The following PLEKHH1 variants were observed in gnomAD, a reference collection of about 807,000 sequenced individuals.
PLEKHH1 encodes pleckstrin homology domain-containing family H member 1.
In PLEKHH1, 104 loss-of-function variants were observed where a neutral mutation model predicts 160.0. That is an observed-to-expected ratio of 0.65 (90% CI 0.55 to 0.76). The LOEUF is 0.76. Among genes scored for constraint, PLEKHH1 ranks in the 30% least tolerant of loss-of-function variants. PLEKHH1 has a pLI of 0.00. For synonymous variants in PLEKHH1, 619 were observed against 678.4 expected, an observed-to-expected ratio of 0.91 and a Z score of 1.36; for missense variants, 1,427 against 1,724.1, an observed-to-expected ratio of 0.83 and a Z score of 3.05.
In PLEKHH1 at chr14:67,571,913, G is replaced by T; in HGVS notation, c.1585+11G>T. 4.4e-6 allele frequency: 7 copies of T among 1,599,786 alleles called. No individual in the cohort carries two copies. Among genetic ancestry groups the T allele is most frequent in the Non-Finnish European group, 6.0e-6 (7 of 1,172,762 alleles). ...GGGCCATCAAGAGAGGTACAGAGAA[G>T]GGGAGCAGGGGCAGGGTGCAGCAGC... On this transcript the variant is annotated intron_variant, in intron 10 of 28. Coordinates refer to ENST00000329153, the MANE Select transcript of PLEKHH1 (RefSeq NM_020715.3).
chr14:67,574,459 C>T lies in PLEKHH1; in HGVS notation c.2088+56C>T, dbSNP rs1464852753. 4 of 1,380,244 alleles carry T rather than the reference C, an allele frequency of 2.9e-6. No individual in the cohort carries two copies. Among genetic ancestry groups the T allele is most frequent in the South Asian group, 1.6e-5 (1 of 62,530 alleles). The allele number at this position is 1,380,244 out of a possible 1,614,324, so 85.5% of individuals were successfully genotyped here. On this transcript the variant is annotated intron_variant, in intron 14 of 28. Coordinates refer to ENST00000329153, the MANE Select transcript of PLEKHH1 (RefSeq NM_020715.3). This position sits in a 1 kb window ranked among gnomAD's most constrained non-coding sequence, Gnocchi z 4.2. ...TGTGCCTCCTGCGAATCAGGGGAGC[C>T]AGGATTGGGGTGCCGAGGGTGGTGG... is the stretch of plus-strand genomic sequence containing the variant.
At chr14:67,534,903 G>T (rs1238816315) in intron 1 of PLEKHH1, among the ~76,000 whole-genome samples, 1 of 152,188 alleles carries the variant, frequency 6.6e-6, no homozygotes, top group African/African-American at 2.4e-5. Flanking sequence ...ATGAAATGGT[G>T]TACATCATTG....
At chr14:67,585,768 C>A in intron 27 of PLEKHH1, 114 bp downstream of exon 27, 2 of 996,188 alleles carry the variant, frequency 2.0e-6, no homozygotes, top group Non-Finnish European at 3.0e-6. Flanking sequence ...CCTACCCCCA[C>A]TCCTGCCCAA....
At chr14:67,568,867 T>C (rs2140451265) in intron 7 of PLEKHH1, among the ~76,000 whole-genome samples, 1 of 152,304 alleles carries the variant, frequency 6.6e-6, no homozygotes. Flanking sequence ...GAGGGAACTG[T>C]TGGGCACTGA....
chr14:67,569,016 G>C, intron 7 of PLEKHH1, 122 bp from the exon 8 acceptor site: 1 of 619,176 alleles, frequency 1.6e-6, no homozygotes, highest in Non-Finnish European at 2.8e-6. Context: ...AGATTTGTTA[G>C]CCAGTCACTG....
At chr14:67,568,645 T>A (rs539564961) in intron 7 of PLEKHH1, among the ~76,000 whole-genome samples, 105 of 152,210 alleles carry the variant, frequency 6.9e-4, no homozygotes, top group African/African-American at 2.4e-3. Flanking sequence ...GAGAATTTTT[T>A]AAAAATGTGC....
intron 2 of PLEKHH1, among the ~76,000 whole-genome samples, chr14:67,550,603 G>C (rs1302995173): frequency 6.6e-6 from 1 of 152,198 alleles, no homozygotes; most frequent in Non-Finnish European, 1.5e-5. Flanking sequence ...GAGAGTGAGA[G>C]GTTCTAGGAA....
intron 18 of PLEKHH1, 27 bp from the exon 19 acceptor site, chr14:67,577,996 C>A (rs757398491): frequency 6.2e-7 from 1 of 1,603,968 alleles, no homozygotes; most frequent in Non-Finnish European, 8.5e-7. Flanking sequence ...TGCTGGTCTG[C>A]CTGTGCTCAC....
chr14:67,562,751 C>A lies in PLEKHH1; in HGVS notation c.1120C>A (p.Pro374Thr), dbSNP rs755141584. 6.2e-7 allele frequency: 1 copy of A among 1,613,786 alleles called. No individual in the cohort carries two copies. Residue 374 changes from proline (P) to threonine (T), a missense_variant, in exon 7 of 29, where the codon CCA (proline) becomes ACA (threonine). By Grantham distance (38) the Pro-to-Thr change is conservative (BLOSUM62 -1). Around this residue, in one of 6 missense-constraint regions of PLEKHH1, gnomAD observed 831 missense variants for 929.2 expected, o/e 0.89. Coordinates refer to ENST00000329153, the MANE Select transcript of PLEKHH1 (RefSeq NM_020715.3). ...LESRARSREE[P>T]EKMEMEEPPP... ...GTCCCGAGCTAGGTCCCGGGAGGAA[C>A]CAGAGAAGATGGAGATGGAGGAGCC...
chr14:67,578,794 T>A lies in PLEKHH1; in HGVS notation c.2849+163T>A, dbSNP rs2035750288. Among the ~76,000 whole-genome samples, 2 of 152,208 alleles carry A rather than the reference T, an allele frequency of 1.3e-5. No individual in the cohort carries two copies. Among genetic ancestry groups the A allele is most frequent in the Non-Finnish European group, 2.9e-5 (2 of 68,040 alleles). ...ATTGCCGTGTGCACAAATGGGCACG[T>A]GTGGATCTGGGCATGCTTAAGCTTC... On this transcript the variant is annotated intron_variant, in intron 20 of 28. Transcript: ENST00000329153. The surrounding 1 kb of genome is among the most constrained non-coding windows in gnomAD (Gnocchi z 5.0).
Position 67,589,599 on chromosome 14 carries a change from G to T in PLEKHH1, c.*2364G>T. On this transcript the variant is annotated 3_prime_UTR_variant, in exon 29 of 29. Transcript: ENST00000329153. ...TAAATAAGCCCTGTACAGAACACAG[G>T]CACTAGGTTGACAGACTCGTCTTTT... The T allele has an allele frequency of 1.0e-6, 1 of 986,058 alleles. No individual in the cohort carries two copies. Among genetic ancestry groups the T allele is most frequent in the African/African-American group, 1.7e-5 (1 of 57,358 alleles). 61.1% of individuals were successfully genotyped at this position (986,058 alleles called of 1,614,324 possible).
At position 67,588,488 on chromosome 14, in the gene PLEKHH1, A is replaced by G. The variant is rs115522732; in HGVS notation, c.*1253A>G. ...TGCCCTAGCCTAAGAGTAGCAGGTA[A>G]AAAAAAGTTTCTTTCATCTTTTGCC... On this transcript the variant is annotated 3_prime_UTR_variant, in exon 29 of 29. Coordinates refer to ENST00000329153, the MANE Select transcript of PLEKHH1 (RefSeq NM_020715.3). 137 of 152,246 alleles carry G rather than the reference A, an allele frequency of 9.0e-4. No individual in the cohort carries two copies. The highest frequency in any genetic ancestry group is 2.8e-3 in the African/African-American group (117 of 41,518). The allele number at this position is 152,246 out of a possible 1,614,324, so 9.4% of individuals were successfully genotyped here.
At chr14:67,542,488 C>T (rs942132623) in intron 2 of PLEKHH1, among the ~76,000 whole-genome samples, 1 of 152,150 alleles carries the variant, frequency 6.6e-6, no homozygotes, top group Non-Finnish European at 1.5e-5. Context: ...AGTCCCTTCA[C>T]CTCTAAGGCA....
intron 7 of PLEKHH1, among the ~76,000 whole-genome samples, chr14:67,568,441 T>A (rs2035211730): frequency 6.6e-6 from 1 of 151,950 alleles, no homozygotes; most frequent in South Asian, 2.1e-4. Context: ...GTGGGGCCTG[T>A]CAGTGGATGG....
At position 67,584,016 on chromosome 14, in the gene PLEKHH1, C is replaced by T; in HGVS notation, c.3591C>T (p.Thr1197=). 6.2e-7 allele frequency: 1 copy of T among 1,614,006 alleles called. No individual in the cohort carries two copies. Among genetic ancestry groups the T allele is most frequent in the Non-Finnish European group, 8.5e-7 (1 of 1,179,892 alleles). ...CCAGGCACCTGGCAGATATGTTGAC[C>T]ACAAAATGGGCAACATTGCAAGGAT... ...EQLRHLADML[T]TKWATLQGCS... Residue 1197 remains threonine, a synonymous_variant, in exon 26 of 29, where the codon ACC becomes ACT. Coordinates refer to ENST00000329153, the MANE Select transcript of PLEKHH1 (RefSeq NM_020715.3).
chr14:67,561,981 A>C lies in PLEKHH1; in HGVS notation c.451A>C (p.Ser151Arg), dbSNP rs1258364904. Residue 151 changes from serine to arginine, a missense_variant, in exon 6 of 29, where the codon AGC (serine) becomes CGC (arginine). Physicochemically the swap from Ser to Arg is moderately radical, Grantham distance 110 (BLOSUM62 -1). Transcript: ENST00000329153. The part of the protein sequence containing the change: ...KLEMENQHLK[S>R]HNQRLVEQVG... ...TGAGATGGAGAATCAGCATCTGAAAAGCCATAATCAGCGCCTGGTGGAGCA... is the reference window on the plus strand; with the variant it reads ...TGAGATGGAGAATCAGCATCTGAAACGCCATAATCAGCGCCTGGTGGAGCA... The C allele has an allele frequency of 6.2e-7, 1 of 1,613,842 alleles. No individual in the cohort carries two copies. The highest frequency in any genetic ancestry group is 1.7e-5 in the Admixed American group (1 of 60,020).
At chr14:67,551,687 G>C (rs1384858939) in intron 2 of PLEKHH1, among the ~76,000 whole-genome samples, 1 of 152,100 alleles carries the variant, frequency 6.6e-6, no homozygotes, top group East Asian at 1.9e-4. Context: ...CCAGGAGTTT[G>C]AGACCAGCCT....
rs1287703496 is a variant in PLEKHH1, at chr14:67,562,025, T to C, written c.495T>C (p.Asp165=). 1 of 1,613,182 alleles carries C rather than the reference T, an allele frequency of 6.2e-7. No homozygotes were observed. ...RLVEQVGSLQ[D]ALEAIQIAPS... is the part of the protein sequence containing the mutation. ...TGGAGCAGGTGGGATCCCTTCAAGA[T>C]GCGCTAGAAGGTAGGCAGGCCAGGG... Residue 165 remains aspartate (D), a synonymous_variant, in exon 6 of 29, where the codon GAT becomes GAC. Coordinates refer to ENST00000329153, the MANE Select transcript of PLEKHH1 (RefSeq NM_020715.3).
At chr14:67,553,302 T>C (rs1412451380) in intron 2 of PLEKHH1, among the ~76,000 whole-genome samples, 1 of 152,176 alleles carries the variant, frequency 6.6e-6, no homozygotes, top group African/African-American at 2.4e-5. Flanking sequence ...GGCCTTCCCG[T>C]TCAGTATTTC....
Sources: allele counts gnomAD v4.1 joint callset (sites outside exome capture counted in the v4.1 genomes callset), GRCh38; gene constraint gnomAD v4.1.1; regional missense constraint gnomAD v4.1.1; non-coding constraint Gnocchi (gnomAD v3.1); transcripts MANE v1.5; gene names NCBI Gene and HGNC (gene_info 2026-07-23, HGNC 2026-07-21).